MADD: variants seen among roughly 807,000 people sequenced by gnomAD.
MADD encodes the protein MAP kinase activating death domain.
A neutral mutation model predicts 176.7 loss-of-function variants in MADD; 109 were observed. The observed-to-expected ratio is 0.62, with a 90% CI of 0.53 to 0.72. The LOEUF (loss-of-function observed/expected upper bound fraction) is 0.72. Among genes scored for constraint, MADD ranks in the 30% least tolerant of loss-of-function variants. The pLI, the probability that MADD is intolerant of heterozygous loss-of-function variation, is 0.00. For missense variants in MADD, 1,914 were observed against 2,045.5 expected (o/e 0.94, Z 1.24); for synonymous variants, 771 against 771.3 (o/e 1.00, Z 0.01).
At chr11:47,306,490 G>A (rs2082741127) in intron 22 of MADD, among the ~76,000 whole-genome samples, 1 of 152,208 alleles carries the variant, frequency 6.6e-6, no homozygotes, top group South Asian at 2.1e-4. Flanking sequence ...CCTTCAGCTG[G>A]GCTTAGTGCC....
At chr11:47,294,974 CA>C (rs1387173888) in intron 20 of MADD, among the ~76,000 whole-genome samples, 1 of 151,704 alleles carries the variant, frequency 6.6e-6, no homozygotes, top group African/African-American at 2.4e-5. Context: ...GTATTTTCTA[CA>C]GTGAGCATGT....
At chr11:47,302,775 GACTT>G (rs898146043) in intron 22 of MADD, among the ~76,000 whole-genome samples, 6 of 151,936 alleles carry the variant, frequency 3.9e-5, no homozygotes, top group South Asian at 2.1e-4. Context: ...TGATAGTGTG[GACTT>G]ACTTCTGTTG....
intron 8 of MADD, among the ~76,000 whole-genome samples, chr11:47,282,009 A>G (rs1592156871): frequency 3.3e-5 from 5 of 151,616 alleles, no homozygotes; most frequent in South Asian, 2.1e-4. Context: ...TAATTTTTAC[A>G]TTTTTAGTAG....
rs576037622 is a variant in MADD, at chr11:47,309,667, T to C, written c.3978+55T>C. On this transcript the variant is annotated intron_variant, in intron 25 of 32. Coordinates refer to ENST00000402192, the Ensembl canonical transcript of MADD. Reference sequence around the variant, plus strand: ...GCTGATCCTAGAGGGGCAAGGCTTGTTCCTGTCGCCTAAATTTCGGGGTAG... The same window carrying C: ...GCTGATCCTAGAGGGGCAAGGCTTGCTCCTGTCGCCTAAATTTCGGGGTAG... 11 of 1,371,114 alleles carry C rather than the reference T, an allele frequency of 8.0e-6. No homozygotes were observed. In the East Asian group the frequency reaches 1.8e-4, roughly 23 times the overall value. The allele number at this position is 1,371,114 out of a possible 1,614,324, so 84.9% of individuals were successfully genotyped here.
exon 3 of MADD, chr11:47,274,982 G>C (rs61733162): frequency 2.9e-5 from 47 of 1,614,022 alleles, no homozygotes; most frequent in Non-Finnish European, 3.6e-5. Context: ...CGGGGCAAAC[G>C]CCGGGCCAAG....
chr11:47,328,375 A>C (rs2095687310), intron 31 of MADD: 1 of 1,358,102 alleles, frequency 7.4e-7, no homozygotes, highest in East Asian at 3.0e-5. Context: ...CCTCCCATCC[A>C]GGGCTTTCAA....
At chr11:47,317,899 A>G (rs1419665803) in intron 27 of MADD, among the ~76,000 whole-genome samples, 11 of 151,776 alleles carry the variant, frequency 7.2e-5, no homozygotes, top group Non-Finnish European at 1.3e-4. Context: ...CCTCCCAAGT[A>G]GCTGGGTTTA....
intron 26 of MADD, among the ~76,000 whole-genome samples, chr11:47,313,322 T>C (rs1298470175): frequency 6.6e-6 from 1 of 152,108 alleles, no homozygotes; most frequent in Non-Finnish European, 1.5e-5. Context: ...TTTTTTTTTT[T>C]TGGAGACGGA....
rs146959425 is a variant in MADD, at chr11:47,305,038, C to G, written c.3643-3553C>G. On this transcript the variant is annotated intron_variant, in intron 22 of 32. Coordinates refer to ENST00000402192, the Ensembl canonical transcript of MADD. ...ACATGAGCAATAACTATGGGTGCCT[C>G]AAGAGTCCTAGGCTATAGAAGTGTG... Among the ~76,000 whole-genome samples, 2 of 152,126 alleles carry G rather than the reference C, an allele frequency of 1.3e-5. 1 individual carries two copies. The highest frequency in any genetic ancestry group is 2.9e-5 in the Non-Finnish European group (2 of 68,026).
chr11:47,291,681 G>A (rs1209710506), intron 19 of MADD, among the ~76,000 whole-genome samples: 1 of 152,156 alleles, frequency 6.6e-6, no homozygotes, highest in Non-Finnish European at 1.5e-5. Context: ...ATGTGATGTT[G>A]TAGAAAATGT....
At chr11:47,289,837 G>A (rs376786726) in intron 16 of MADD, 30 bp from the exon 18 acceptor site, 60 of 1,609,862 alleles carry the variant, frequency 3.7e-5, no homozygotes, top group Non-Finnish European at 4.8e-5. Flanking sequence ...AGGAGCTGAT[G>A]ACCACAGAAG....
intron 5 of MADD, among the ~76,000 whole-genome samples, chr11:47,277,127 C>T (rs1228337276): frequency 1.3e-5 from 2 of 152,234 alleles, no homozygotes; most frequent in African/African-American, 2.4e-5. Flanking sequence ...AGTAGTTCCT[C>T]CTTATCTGTG....
intron 16 of MADD, among the ~76,000 whole-genome samples, 153 bp from the exon 18 acceptor site, chr11:47,289,714 G>GTGC (rs2063611937): frequency 6.6e-6 from 1 of 152,166 alleles, no homozygotes; most frequent in African/African-American, 2.4e-5. Context: ...GACAAATCGC[G>GTGC]TGCTCCAGAG....
At chr11:47,293,944 C>T (rs780671093) in exon 20 of MADD, 1 of 1,614,184 alleles carries the variant, frequency 6.2e-7, no homozygotes, top group Non-Finnish European at 8.5e-7. Flanking sequence ...AGTCCCAGAT[C>T]AGCGCAGACA....
chr11:47,308,579 T>G lies in MADD; in HGVS notation c.3643-12T>G, dbSNP rs1565487637. Reference sequence around the variant, plus strand: ...TACCTCTGGCCACTGACCTATCACCTCTTCTCTCTAGGGTAAAGCCCACAG... The same window carrying G: ...TACCTCTGGCCACTGACCTATCACCGCTTCTCTCTAGGGTAAAGCCCACAG... On this transcript the variant is annotated splice_polypyrimidine_tract_variant and intron_variant, in intron 22 of 32. Transcript: ENST00000402192. 3 of 1,610,468 alleles carry G rather than the reference T, an allele frequency of 1.9e-6. No homozygotes were observed. The highest frequency in any genetic ancestry group is 2.5e-6 in the Non-Finnish European group (3 of 1,177,052).
intron 27 of MADD, among the ~76,000 whole-genome samples, chr11:47,321,596 G>T (rs146854287): frequency 1.1e-4 from 16 of 152,282 alleles, no homozygotes; most frequent in Admixed American, 7.2e-4. Flanking sequence ...AGAAGCTCAG[G>T]GGGGGCAGAA....
intron 26 of MADD, 132 bp from the exon 30 acceptor site, chr11:47,315,085 CTGG>C: frequency 2.0e-6 from 1 of 500,042 alleles, no homozygotes; most frequent in South Asian, 3.2e-5. Flanking sequence ...AACCACTTCC[CTGG>C]TGACCAGTGG....
chr11:47,302,511 C>G (rs139245978), intron 22 of MADD, among the ~76,000 whole-genome samples: 3 of 152,206 alleles, frequency 2.0e-5, no homozygotes, highest in East Asian at 1.9e-4. Context: ...CGTGCTCAGC[C>G]TCTTTTTAGT....
chr11:47,294,033 G>A lies in MADD; in HGVS notation c.3402+50G>A, dbSNP rs377317358. On this transcript the variant is annotated intron_variant, in intron 20 of 32. Coordinates refer to ENST00000402192, the Ensembl canonical transcript of MADD. ...TGCAAGTATTAAATATGCTGTCTCA[G>A]AATACTTCTTTAAGTTAAAATAGAA... The A allele has an allele frequency of 7.2e-6, 10 of 1,385,818 alleles. No homozygotes were observed. In the African/African-American group the frequency reaches 1.4e-4, roughly 20 times the overall value. 85.8% of individuals were successfully genotyped at this position (1,385,818 alleles called of 1,614,324 possible).
Sources: gnomAD v4.1 joint callset for allele counts (sites outside exome capture counted in the v4.1 genomes callset) on GRCh38, gnomAD v4.1.1 for gene constraint, MANE v1.5 for transcripts, NCBI Gene and HGNC (gene_info 2026-07-23, HGNC 2026-07-21) for gene names.